Variants in EBF2 observed in about 807,000 individuals in gnomAD.
The protein encoded by EBF2 is transcription factor COE2.
A neutral mutation model predicts 72.8 loss-of-function variants in EBF2; 21 were observed. The ratio of observed to expected loss-of-function variants is 0.29; its 90% CI spans 0.20 to 0.42. EBF2 has a LOEUF of 0.42. Among genes scored for constraint, EBF2 ranks in the 10% least tolerant of loss-of-function variants. EBF2 has a pLI of 1.00. For synonymous variants in EBF2, 299 were observed against 274.2 expected, an observed-to-expected ratio of 1.09 and a Z score of -0.89; for missense variants, 637 against 731.2, an observed-to-expected ratio of 0.87 and a Z score of 1.49.
rs985113936 is a variant in EBF2 at position 25,841,904 on chromosome 8, A to G, written c.*2705T>C. The G allele has an allele frequency of 1.3e-5, 2 of 152,234 alleles. No individual in the cohort carries two copies. The highest frequency in any genetic ancestry group is 2.9e-5 in the Non-Finnish European group (2 of 68,042). 9.4% of individuals were successfully genotyped at this position (152,234 alleles called of 1,614,324 possible). Reference sequence around the variant, plus strand: ...CAACTTTATACTGTATATAACTGACAAAGCAAAACAATAAAATGAAACTAT... The same window carrying G: ...CAACTTTATACTGTATATAACTGACGAAGCAAAACAATAAAATGAAACTAT... On this transcript the variant is annotated 3_prime_UTR_variant, in exon 16 of 16. Transcript: ENST00000520164.
intron 6 of EBF2, among the ~76,000 whole-genome samples, chr8:25,952,225 G>A (rs1016454647): frequency 1.3e-5 from 2 of 152,194 alleles, no homozygotes; most frequent in African/African-American, 2.4e-5. Context: ...AAGCTCACGA[G>A]TTGGAGGCTA....
At chr8:25,866,456 AT>A (rs1408291621) in intron 10 of EBF2, among the ~76,000 whole-genome samples, 6 of 143,200 alleles carry the variant, frequency 4.2e-5, no homozygotes, top group African/African-American at 1.3e-4. Context: ...ATATATATAT[AT>A]ATAATATATA....
chr8:25,980,595 G>A (rs189365428), intron 6 of EBF2, among the ~76,000 whole-genome samples: 1 of 152,124 alleles, frequency 6.6e-6, no homozygotes, highest in Non-Finnish European at 1.5e-5. Flanking sequence ...CCTTGCTGGG[G>A]AGAGAGGCAA....
intron 7 of EBF2, among the ~76,000 whole-genome samples, chr8:25,903,726 G>GA (rs886587010): frequency 1.9e-4 from 29 of 150,892 alleles, no homozygotes; most frequent in South Asian, 4.2e-4. Context: ...AACAAAAACA[G>GA]AAAAAAAAAG....
At chr8:26,007,802 AC>A (rs527840883) in intron 6 of EBF2, among the ~76,000 whole-genome samples, 2 of 151,850 alleles carry the variant, frequency 1.3e-5, no homozygotes, top group Non-Finnish European at 2.9e-5. Context: ...ATGTGCACAC[AC>A]ACACACACAT....
chr8:25,999,584 C>T (rs1804688443), intron 6 of EBF2, among the ~76,000 whole-genome samples: 1 of 151,808 alleles, frequency 6.6e-6, no homozygotes, highest in African/African-American at 2.4e-5. Context: ...TTCTGCATTT[C>T]CCTACATGTC....
chr8:25,844,338 T>C lies in EBF2; in HGVS notation c.*271A>G, dbSNP rs1458740567. 1.2e-5 allele frequency: 4 copies of C among 321,920 alleles called. No homozygotes were observed. Among genetic ancestry groups the C allele is most frequent in the African/African-American group, 8.5e-5 (4 of 47,108 alleles). The allele number at this position is 321,920 out of a possible 1,614,324, so 19.9% of individuals were successfully genotyped here. On this transcript the variant is annotated 3_prime_UTR_variant, in exon 16 of 16. Transcript: ENST00000520164. ...AAACATAGGAAGGTGGTTTTCATAA[T>C]GTTCATAACAAAGAATTGCATTTCT...
At chr8:26,032,795 G>T (rs762309834) in intron 6 of EBF2, 1 of 305,884 alleles carries the variant, frequency 3.3e-6, no homozygotes, top group Non-Finnish European at 6.1e-6. Context: ...TACCCTGCCC[G>T]AAAGGAGAGG....
chr8:25,855,719 G>A (rs149169838), intron 14 of EBF2, among the ~76,000 whole-genome samples: 34 of 152,294 alleles, frequency 2.2e-4, no homozygotes, highest in Non-Finnish European at 4.1e-4. Flanking sequence ...AGGTGCTATT[G>A]TAATGAACTC....
chr8:26,004,040 T>C (rs932668967), intron 6 of EBF2, among the ~76,000 whole-genome samples: 1 of 151,872 alleles, frequency 6.6e-6, no homozygotes, highest in African/African-American at 2.4e-5. Flanking sequence ...CTTTCACTTC[T>C]AGGTGTCGTT....
rs1585234896 is a variant in EBF2 at position 26,032,758 on chromosome 8, C to T, written c.551+327G>A. ...GTGCCACTTAACTTGGGGCACATTG[C>T]TTCTTCTAGAAAACTGATTGAGACC... is the stretch of plus-strand genomic sequence containing the variant. On this transcript the variant is annotated intron_variant, in intron 6 of 15. Coordinates refer to ENST00000520164, the MANE Select transcript of EBF2 (RefSeq NM_022659.4). 8 of 219,780 alleles carry T rather than the reference C, an allele frequency of 3.6e-5. No individual in the cohort carries two copies. In the East Asian group the frequency reaches 7.6e-4, roughly 21 times the overall value. 13.6% of individuals were successfully genotyped at this position (219,780 alleles called of 1,614,324 possible). A position where few individuals can be genotyped will look rare whatever the true frequency, so the allele number is the denominator to read the frequency against.
chr8:26,045,120 G>A lies in EBF2; in HGVS notation c.-261C>T. ...CGCCTCAGCCACTCCACCCTAGGTC[G>A]CTCGCATCCTTCCAGCTGCAGTGCT... On this transcript the variant is annotated 5_prime_UTR_variant, in exon 1 of 16. The change creates a premature stop within an existing upstream ORF in the 5' untranslated region. Coordinates refer to ENST00000520164, the MANE Select transcript of EBF2 (RefSeq NM_022659.4). The A allele has an allele frequency of 6.0e-6, 2 of 332,532 alleles. No homozygotes were observed. Among genetic ancestry groups the A allele is most frequent in the Non-Finnish European group, 1.1e-5 (2 of 176,676 alleles). 20.6% of individuals were successfully genotyped at this position (332,532 alleles called of 1,614,324 possible).
At chr8:25,888,287 T>C (rs1369371945) in intron 8 of EBF2, among the ~76,000 whole-genome samples, 1 of 152,214 alleles carries the variant, frequency 6.6e-6, no homozygotes, top group Non-Finnish European at 1.5e-5. Context: ...ATGGGCTGCT[T>C]TTGAAAGCTG....
rs543908931 is a variant in EBF2 at position 25,844,563 on chromosome 8, G to A, written c.*46C>T. 6 of 1,608,276 alleles carry A rather than the reference G, an allele frequency of 3.7e-6. No homozygotes were observed. Among genetic ancestry groups the A allele is most frequent in the South Asian group, 2.2e-5 (2 of 90,956 alleles). ...GCTCCTAGTGCTTTCTTCATTATTG[G>A]TCCATCAGAGTAAGTAGTTTTGTGC... On this transcript the variant is annotated 3_prime_UTR_variant, in exon 16 of 16. Transcript: ENST00000520164.
At chr8:25,902,708 A>C (rs556418558) in intron 7 of EBF2, among the ~76,000 whole-genome samples, 25 of 152,352 alleles carry the variant, frequency 1.6e-4, no homozygotes, top group African/African-American at 6.0e-4. Context: ...AGGGGCCTGC[A>C]GAGAAGGGTG....
At chr8:25,934,208 G>A (rs1474642148) in intron 6 of EBF2, among the ~76,000 whole-genome samples, 1 of 140,724 alleles carries the variant, frequency 7.1e-6, no homozygotes, top group East Asian at 2.2e-4. Context: ...GCTGCTTATT[G>A]TTGACTTCAT....
chr8:25,850,542 T>C, intron 15 of EBF2, 52 bp downstream of exon 15: 2 of 1,471,796 alleles, frequency 1.4e-6, no homozygotes, highest in Admixed American at 2.7e-5. Flanking sequence ...TTGCTCTTAC[T>C]TTGCCAACCC....
In EBF2 at chr8:25,844,466, A is replaced by C; in HGVS notation, c.*143T>G. The C allele has an allele frequency of 2.3e-6, 2 of 857,564 alleles. No homozygotes were observed. The highest frequency in any genetic ancestry group is 3.3e-5 in the African/African-American group (2 of 59,848). 53.1% of individuals were successfully genotyped at this position (857,564 alleles called of 1,614,324 possible). The stretch of plus-strand genomic sequence containing the variant: ...CTATAGGAGGACGTGGGACCAAGTA[A>C]GATGCTGGCTCCTTGCAGACCCAAG... On this transcript the variant is annotated 3_prime_UTR_variant, in exon 16 of 16. Coordinates refer to ENST00000520164, the MANE Select transcript of EBF2 (RefSeq NM_022659.4).
intron 6 of EBF2, among the ~76,000 whole-genome samples, chr8:25,972,683 G>A (rs1462895858): frequency 6.6e-6 from 1 of 152,112 alleles, no homozygotes; most frequent in Non-Finnish European, 1.5e-5. Flanking sequence ...AGATGAGGAA[G>A]CCGGGACCCA....
Sources: gnomAD v4.1 joint callset for allele counts (sites outside exome capture counted in the v4.1 genomes callset) on GRCh38, gnomAD v4.1.1 for gene constraint, MANE v1.5 for transcripts, NCBI Gene and HGNC (gene_info 2026-07-23, HGNC 2026-07-21) for gene names.